The following RTL4 variants were observed in gnomAD, a reference collection of about 807,000 sequenced individuals.
RTL4 encodes the protein retrotransposon Gag like 4.
RTL4 carries 4 observed loss-of-function variants against 5.3 expected under a neutral mutation model. That is an observed-to-expected ratio of 0.75 (90% CI 0.37 to 1.72). RTL4 has a LOEUF of 1.72. Ranked by LOEUF, RTL4 falls within the 40% of genes most tolerant of loss-of-function variation. The pLI is 0.04. For synonymous variants in RTL4, 98 were observed against 87.3 expected (o/e 1.12, Z -0.68); for missense variants, 260 against 227.1 (o/e 1.14, Z -0.93).
At chrX:112,254,542 T>A in the RTL4 span, among the ~76,000 whole-genome samples, 216 of 110,767 alleles carry the variant, frequency 2.0e-3, no homozygotes, top group Non-Finnish European at 2.9e-3. Context: ...TTGGCCAGGA[T>A]GGTCTTGATC....
chrX:112,396,509 C>G, the RTL4 span, among the ~76,000 whole-genome samples: 1 of 110,578 alleles, frequency 9.0e-6, no homozygotes, highest in Non-Finnish European at 1.9e-5. Flanking sequence ...ATCCATGGAG[C>G]TTTTTATTTG....
chrX:112,457,377 C>T (rs1331975965), downstream of RTL4, among the ~76,000 whole-genome samples: 1 of 111,913 alleles, frequency 8.9e-6, no homozygotes. Context: ...TCCAGTTATG[C>T]TAAGAAATTC....
chrX:112,196,756 T>G, the RTL4 span, among the ~76,000 whole-genome samples: 1 of 111,751 alleles, frequency 8.9e-6, no homozygotes, highest in Non-Finnish European at 1.9e-5. Context: ...TTTCATGAAA[T>G]AATTTTAATC....
the RTL4 span, among the ~76,000 whole-genome samples, chrX:112,307,950 C>A: frequency 3.6e-5 from 4 of 111,341 alleles, no homozygotes; most frequent in Non-Finnish European, 7.5e-5. Flanking sequence ...TGTATTAGCC[C>A]CATTTGATAG....
chrX:112,185,404 C>T, the RTL4 span, among the ~76,000 whole-genome samples: 880 of 80,112 alleles, frequency 0.011, 9 homozygotes, highest in African/African-American at 0.029. Flanking sequence ...TATATATATA[C>T]ACACACACAC....
the RTL4 span, among the ~76,000 whole-genome samples, chrX:112,164,604 G>A: frequency 1.8e-5 from 2 of 112,182 alleles, no homozygotes; most frequent in Non-Finnish European, 3.8e-5. Context: ...GGCTAAGGCT[G>A]TTGCCAGAGG....
chrX:112,103,437 G>A, the RTL4 span, among the ~76,000 whole-genome samples: 1 of 111,237 alleles, frequency 9.0e-6, no homozygotes, highest in East Asian at 2.8e-4. Flanking sequence ...GGGGTGGAGG[G>A]AGGGAGAGCC....
chrX:112,245,400 ACTCTTTTTT>A, the RTL4 span, among the ~76,000 whole-genome samples: 9 of 103,662 alleles, frequency 8.7e-5, no homozygotes, highest in East Asian at 2.1e-3. Flanking sequence ...ATTTCTTTTT[ACTCTTTTTT>A]CTCTATTCTT....
the RTL4 span, among the ~76,000 whole-genome samples, chrX:112,414,220 A>G: frequency 2.7e-5 from 3 of 110,815 alleles, no homozygotes; most frequent in African/African-American, 9.8e-5. Context: ...TCAGATTTGT[A>G]AAGTATTTTT....
At chrX:112,185,376 A>AATATATATAT in the RTL4 span, among the ~76,000 whole-genome samples, 462 of 85,282 alleles carry the variant, frequency 5.4e-3, 2 homozygotes, top group Non-Finnish European at 6.3e-3. Flanking sequence ...CTATTTTATT[A>AATATATATAT]ATATATATAT....
At chrX:112,174,911 C>A in the RTL4 span, among the ~76,000 whole-genome samples, 1 of 46,803 alleles carries the variant, frequency 2.1e-5, no homozygotes, top group African/African-American at 6.0e-5. Context: ...TATCCTTTGC[C>A]CACTTTTTGA....
At chrX:112,417,999 T>G in the RTL4 span, among the ~76,000 whole-genome samples, 1 of 110,358 alleles carries the variant, frequency 9.1e-6, no homozygotes, top group African/African-American at 3.3e-5. Context: ...AATACAAAAA[T>G]TAGCCGGGCG....
the RTL4 span, among the ~76,000 whole-genome samples, chrX:112,193,063 T>G: frequency 8.9e-6 from 1 of 112,179 alleles, no homozygotes; most frequent in African/African-American, 3.2e-5. Flanking sequence ...GTCAGTATTT[T>G]GATTATGTCA....
the RTL4 span, among the ~76,000 whole-genome samples, chrX:112,445,884 G>A: frequency 3.6e-5 from 4 of 112,378 alleles, no homozygotes; most frequent in Admixed American, 3.8e-4. Context: ...TAAAGCTTGT[G>A]AAGGTTAACT....
the RTL4 span, among the ~76,000 whole-genome samples, chrX:112,272,735 G>A: frequency 5.6e-5 from 6 of 107,929 alleles, no homozygotes; most frequent in Non-Finnish European, 1.1e-4. Flanking sequence ...AAGATATTAA[G>A]ATTTATACTT....
At chrX:112,231,095 G>A in the RTL4 span, among the ~76,000 whole-genome samples, 34 of 110,714 alleles carry the variant, frequency 3.1e-4, no homozygotes, top group African/African-American at 1.1e-3. Flanking sequence ...AGAGGATGTG[G>A]AGAAATAGGA....
At chrX:112,175,315 A>C in the RTL4 span, among the ~76,000 whole-genome samples, 1 of 96,549 alleles carries the variant, frequency 1.0e-5, no homozygotes, top group Non-Finnish European at 2.1e-5. Flanking sequence ...CAGTTTTCCC[A>C]GCACCATTTA....
chrX:112,346,979 A>G, the RTL4 span, among the ~76,000 whole-genome samples: 3 of 111,819 alleles, frequency 2.7e-5, no homozygotes, highest in African/African-American at 9.7e-5. Context: ...TCAGCAACCT[A>G]TATTTGGGTG....
At chrX:112,310,472 A>T in the RTL4 span, among the ~76,000 whole-genome samples, 9 of 42,483 alleles carry the variant, frequency 2.1e-4, no homozygotes, top group African/African-American at 8.9e-4. Context: ...AAATATATAT[A>T]ATATAGAAAT....
Sources: allele counts gnomAD v4.1 joint callset (sites outside exome capture counted in the v4.1 genomes callset), GRCh38; gene constraint gnomAD v4.1.1; transcripts MANE v1.5; gene names NCBI Gene and HGNC (gene_info 2026-07-23, HGNC 2026-07-21).